The following LRFN5 variants were observed in gnomAD, a reference collection of about 807,000 sequenced individuals.
LRFN5 encodes leucine-rich repeat and fibronectin type-III domain-containing protein 5.
In LRFN5, 24 loss-of-function variants were observed where a neutral mutation model predicts 45.6. The observed-to-expected ratio is 0.53, with a 90% CI of 0.38 to 0.74. The LOEUF (loss-of-function observed/expected upper bound fraction) is 0.74, where lower values mean the gene tolerates loss of function less well. Ranked by LOEUF, LRFN5 falls within the 30% of genes least tolerant of loss-of-function variation. LRFN5 has a pLI of 0.00. For missense variants in LRFN5, 776 were observed against 861.5 expected (o/e 0.90, Z 1.24); for synonymous variants, 340 against 313.8 (o/e 1.08, Z -0.88).
intron 1 of LRFN5, among the ~76,000 whole-genome samples, chr14:41,713,744 A>T (rs1358773907): frequency 6.6e-6 from 1 of 152,132 alleles, no homozygotes; most frequent in African/African-American, 2.4e-5. Flanking sequence ...TGTGTAGAGA[A>T]CATTAATAAT....
At chr14:41,726,220 G>A (rs1291834179) in intron 1 of LRFN5, among the ~76,000 whole-genome samples, 5 of 151,846 alleles carry the variant, frequency 3.3e-5, no homozygotes, top group African/African-American at 7.3e-5. Flanking sequence ...CATTATCTAC[G>A]CTCTAATTTT....
intron 1 of LRFN5, among the ~76,000 whole-genome samples, chr14:41,765,783 C>A (rs891951192): frequency 1.3e-5 from 2 of 152,100 alleles, no homozygotes; most frequent in African/African-American, 2.4e-5. Context: ...CTATAATTTA[C>A]TTTTATTTAA....
At chr14:41,744,428 G>A (rs904472527) in intron 1 of LRFN5, among the ~76,000 whole-genome samples, 6 of 152,148 alleles carry the variant, frequency 3.9e-5, no homozygotes, top group African/African-American at 1.4e-4. Flanking sequence ...AAAAATTTAA[G>A]TAAACACAAA....
chr14:41,774,921 G>A (rs12895852), intron 2 of LRFN5, among the ~76,000 whole-genome samples: 38,414 of 151,686 alleles, frequency 0.25, 5,897 homozygotes, highest in East Asian at 0.73. Context: ...GATCTTGCAG[G>A]GGGGTAGCTT....
chr14:41,818,597 G>A (rs977027130), intron 2 of LRFN5, among the ~76,000 whole-genome samples: 9 of 151,892 alleles, frequency 5.9e-5, no homozygotes, highest in South Asian at 2.1e-4. Context: ...TAGTATGTGG[G>A]CTAATTGGCT....
At chr14:41,668,871 G>T (rs965007212) in intron 1 of LRFN5, among the ~76,000 whole-genome samples, 31 of 152,124 alleles carry the variant, frequency 2.0e-4, no homozygotes, top group African/African-American at 6.5e-4. Flanking sequence ...TTTATCTGTT[G>T]AACGTAGCTC....
At chr14:41,904,113 C>G in intron 5 of LRFN5, 45 bp from the exon 6 acceptor site, 1 of 1,482,006 alleles carries the variant, frequency 6.7e-7, no homozygotes, top group Non-Finnish European at 9.3e-7. Flanking sequence ...TTCTTTCTTT[C>G]TTCCTTTCTT....
chr14:41,750,045 T>A (rs1410672526), intron 1 of LRFN5, among the ~76,000 whole-genome samples: 4 of 151,994 alleles, frequency 2.6e-5, no homozygotes, highest in Non-Finnish European at 5.9e-5. Context: ...TATTTTCTGT[T>A]TGGCTTATTC....
At chr14:41,659,299 G>A (rs779314084) in intron 1 of LRFN5, among the ~76,000 whole-genome samples, 2 of 152,030 alleles carry the variant, frequency 1.3e-5, no homozygotes, top group Non-Finnish European at 2.9e-5. Flanking sequence ...AGAACATGTG[G>A]TGTTTGGTTT....
intron 1 of LRFN5, among the ~76,000 whole-genome samples, chr14:41,723,680 C>A (rs1640227559): frequency 6.6e-6 from 1 of 151,998 alleles, no homozygotes; most frequent in African/African-American, 2.4e-5. Flanking sequence ...CAGGAGAAAC[C>A]AGAGCTGCAG....
intron 2 of LRFN5, among the ~76,000 whole-genome samples, chr14:41,847,226 C>T (rs1178453979): frequency 2.0e-5 from 3 of 152,054 alleles, no homozygotes; most frequent in African/African-American, 7.2e-5. Context: ...TTCAAGATTT[C>T]TGTTAAAAGT....
At chr14:41,614,288 G>C (rs1433187537) in intron 1 of LRFN5, among the ~76,000 whole-genome samples, 2 of 151,950 alleles carry the variant, frequency 1.3e-5, no homozygotes, top group African/African-American at 4.8e-5. Flanking sequence ...TAGATATCTT[G>C]ACATCATTAA....
At chr14:41,776,429 A>C (rs1886295540) in intron 2 of LRFN5, among the ~76,000 whole-genome samples, 1 of 152,180 alleles carries the variant, frequency 6.6e-6, no homozygotes, top group Admixed American at 6.5e-5. Context: ...GTTTATGGGC[A>C]TTCTGGTGTT....
chr14:41,777,504 A>G (rs188465401), intron 2 of LRFN5, among the ~76,000 whole-genome samples: 3 of 151,880 alleles, frequency 2.0e-5, no homozygotes, highest in African/African-American at 7.2e-5. Context: ...TATCTCTTCT[A>G]ACTAACTATG....
At chr14:41,686,829 A>C (rs1342824250) in intron 1 of LRFN5, among the ~76,000 whole-genome samples, 4 of 152,236 alleles carry the variant, frequency 2.6e-5, no homozygotes, top group African/African-American at 7.2e-5. Flanking sequence ...CATGGGGATA[A>C]GTTTTTTGAT....
At chr14:41,746,646 G>A (rs78397765) in intron 1 of LRFN5, among the ~76,000 whole-genome samples, 1,620 of 151,644 alleles carry the variant, frequency 0.011, 10 homozygotes, top group Admixed American at 0.017. Context: ...CACCTACTGT[G>A]TACTCACAAA....
intron 2 of LRFN5, among the ~76,000 whole-genome samples, chr14:41,864,840 A>G (rs1889785291): frequency 6.6e-6 from 1 of 151,874 alleles, no homozygotes; most frequent in South Asian, 2.1e-4. Context: ...TGGGATAATG[A>G]AAAGCTTTTA....
At chr14:41,658,093 G>T (rs992295830) in intron 1 of LRFN5, among the ~76,000 whole-genome samples, 1 of 151,904 alleles carries the variant, frequency 6.6e-6, no homozygotes, top group Non-Finnish European at 1.5e-5. Context: ...GCTAAAATAT[G>T]ATTTTTTTGA....
At chr14:41,632,449 C>CA (rs1888573961) in intron 1 of LRFN5, among the ~76,000 whole-genome samples, 1 of 151,974 alleles carries the variant, frequency 6.6e-6, no homozygotes, top group Admixed American at 6.6e-5. Flanking sequence ...ATTAAAAATA[C>CA]AAAATTAGCT....
Sources: allele counts gnomAD v4.1 joint callset (sites outside exome capture counted in the v4.1 genomes callset), GRCh38; gene constraint gnomAD v4.1.1; transcripts MANE v1.5; gene names NCBI Gene and HGNC (gene_info 2026-07-23, HGNC 2026-07-21).